Variants in PMM2 observed in about 807,000 individuals in gnomAD.
PMM2 encodes the protein mannose-6-phosphate isomerase.
A neutral mutation model predicts 33.2 loss-of-function variants in PMM2; 35 were observed. That is an observed-to-expected ratio of 1.06 (90% CI 0.81 to 1.40). PMM2 has a LOEUF of 1.40. Among genes scored for constraint, PMM2 ranks in the 40% most tolerant of loss-of-function variants. The pLI is 0.00. For synonymous variants in PMM2, 153 were observed against 114.7 expected (o/e 1.33, Z -2.13); for missense variants, 386 against 306.0 (o/e 1.26, Z -1.95).
intron 7 of PMM2, among the ~76,000 whole-genome samples, chr16:8,820,171 TG>T (rs1053118381): frequency 1.3e-4 from 20 of 152,236 alleles, no homozygotes; most frequent in African/African-American, 4.6e-4. Flanking sequence ...CACTCCAGGC[TG>T]GGCAACAGAG....
At chr16:8,829,137 G>A (rs7191492) in intron 7 of PMM2, 90,707 of 152,010 alleles carry the variant, frequency 0.6, 27,191 homozygotes, top group East Asian at 0.67. Flanking sequence ...AGCACAGAGT[G>A]CACCAGATTC....
In PMM2 at chr16:8,815,777, C is replaced by T. The variant is rs559616229; in HGVS notation, c.639+2671C>T. Among the ~76,000 whole-genome samples, 6 of 152,132 alleles carry T rather than the reference C, an allele frequency of 3.9e-5. No individual in the cohort carries two copies. The South Asian group carries it at 1.2e-3, about 32-fold the overall frequency. On this transcript the variant is annotated intron_variant, in intron 7 of 7. Transcript: ENST00000268261. The stretch of plus-strand genomic sequence containing the variant: ...GATATTTTAGATGTGACACCAAAAG[C>T]ACAGGCAACAAAAGCAAAACAAACA...
intron 7 of PMM2, among the ~76,000 whole-genome samples, chr16:8,846,197 C>T (rs1279271127): frequency 6.6e-6 from 1 of 152,202 alleles, no homozygotes; most frequent in Non-Finnish European, 1.5e-5. Flanking sequence ...TCACCTCCAC[C>T]TGAGGAGGCC....
intron 3 of PMM2, 59 bp from the exon 4 acceptor site, chr16:8,806,257 G>A (rs2060647058): frequency 9.1e-7 from 1 of 1,096,560 alleles, no homozygotes; most frequent in African/African-American, 1.5e-5. Flanking sequence ...GGTTTGCTAT[G>A]AAGCTGTTTT....
At chr16:8,837,909 G>T (rs957484808) in intron 7 of PMM2, among the ~76,000 whole-genome samples, 112 of 152,080 alleles carry the variant, frequency 7.4e-4, no homozygotes, top group African/African-American at 2.6e-3. Context: ...CAGATAAAAT[G>T]TGTCTCCTTT....
At chr16:8,800,707 G>C (rs912051722) in intron 1 of PMM2, among the ~76,000 whole-genome samples, 2 of 146,308 alleles carry the variant, frequency 1.4e-5, no homozygotes, top group African/African-American at 5.1e-5. Flanking sequence ...GTTTTGAGAC[G>C]AAGTCTCGCT....
intron 7 of PMM2, chr16:8,832,325 A>G: frequency 1.0e-6 from 1 of 985,430 alleles, no homozygotes; most frequent in Non-Finnish European, 1.2e-6. Context: ...CAACCCAGAG[A>G]GGCTCCTGCA....
At chr16:8,806,905 G>C (rs370737450) in intron 4 of PMM2, 2 of 165,014 alleles carry the variant, frequency 1.2e-5, no homozygotes, top group Non-Finnish European at 2.7e-5. Context: ...CCAGATCCAC[G>C]TAAAACCCAA....
At chr16:8,828,974 CTTTG>C (rs758025013) in intron 7 of PMM2, among the ~76,000 whole-genome samples, 5 of 152,102 alleles carry the variant, frequency 3.3e-5, no homozygotes, top group African/African-American at 4.8e-5. Context: ...GTGCCTTTGT[CTTTG>C]TTTTTCTTTT....
Position 8,815,486 on chromosome 16 carries a change from C to T in PMM2, c.639+2380C>T, listed in dbSNP as rs1311901160. On this transcript the variant is annotated intron_variant, in intron 7 of 7. Transcript: ENST00000268261. ...CCTCAAGAGATTCACCTGCCTTGGC[C>T]TCCTAAATTGATGGGATTACAGGCG... 3.9e-5 allele frequency among the ~76,000 whole-genome samples: 6 copies of T among 152,320 alleles called. No homozygotes were observed. In the East Asian group the frequency reaches 7.7e-4, roughly 20 times the overall value.
Position 8,827,770 on chromosome 16 carries a change from T to A in PMM2, c.639+14664T>A, listed in dbSNP as rs929198945. 8.0e-4 allele frequency among the ~76,000 whole-genome samples: 62 copies of A among 77,092 alleles called. 1 individual carries two copies. Among genetic ancestry groups the A allele is most frequent in the South Asian group, 1.1e-3 (3 of 2,790 alleles). 50.6% of individuals were successfully genotyped at this position (77,092 alleles called of 152,430 possible). A position where few individuals can be genotyped will look rare whatever the true frequency, so the allele number is the denominator to read the frequency against. ...TATATATATATATATATGCACACAT[T>A]TATATATATATATTTATATATATTT... is the stretch of plus-strand genomic sequence containing the variant. On this transcript the variant is annotated intron_variant, in intron 7 of 7. Transcript: ENST00000268261.
At chr16:8,827,605 A>C (rs933298303) in intron 7 of PMM2, among the ~76,000 whole-genome samples, 2 of 147,852 alleles carry the variant, frequency 1.4e-5, no homozygotes, top group African/African-American at 5.0e-5. Context: ...TATGTTGGCC[A>C]GGCTGGTCTT....
At chr16:8,801,154 A>T (rs561344278) in intron 1 of PMM2, among the ~76,000 whole-genome samples, 1 of 152,346 alleles carries the variant, frequency 6.6e-6, no homozygotes, top group South Asian at 2.1e-4. Context: ...ACAGGACATG[A>T]TTCCATTTAT....
chr16:8,798,012 T>C (rs1596481957), intron 1 of PMM2, 64 bp downstream of exon 1: 1 of 1,496,554 alleles, frequency 6.7e-7, no homozygotes, highest in East Asian at 2.4e-5. Context: ...CAGTTGGGGC[T>C]ATCGACCACC....
At chr16:8,813,218 A>G in intron 7 of PMM2, 112 bp downstream of exon 7, 1 of 774,698 alleles carries the variant, frequency 1.3e-6, no homozygotes, top group South Asian at 1.4e-5. Flanking sequence ...GCCCTGCTCA[A>G]ACTGAGCAGT....
At chr16:8,810,831 G>A (rs1952781068) in intron 4 of PMM2, 1 of 545,146 alleles carries the variant, frequency 1.8e-6, no homozygotes, top group Non-Finnish European at 3.3e-6. Context: ...TATACAACAT[G>A]ATTGATGCAA....
rs367937679 is a variant in PMM2, at chr16:8,829,608, G to A, written c.639+16502G>A. ...GCTCCCGTTGGTCTCTGTCATCTTT[G>A]ATCCACTCCACTCAAGGTGGGAAGG... On this transcript the variant is annotated intron_variant, in intron 7 of 7. Coordinates refer to ENST00000268261, the MANE Select transcript of PMM2 (RefSeq NM_000303.3). 2.3e-4 allele frequency among the ~76,000 whole-genome samples: 35 copies of A among 152,308 alleles called. No individual in the cohort carries two copies. The Middle Eastern group carries it at 0.014, about 59-fold the overall frequency.
intron 6 of PMM2, among the ~76,000 whole-genome samples, chr16:8,812,302 G>A (rs1382361210): frequency 6.6e-6 from 1 of 152,162 alleles, no homozygotes. Context: ...GGACATCTCA[G>A]GCTTGTCTTT....
Position 8,848,244 on chromosome 16 carries a change from A to C in PMM2, c.*419A>C. The C allele has an allele frequency of 4.6e-6, 1 of 219,660 alleles. No homozygotes were observed. The highest frequency in any genetic ancestry group is 9.3e-6 in the Non-Finnish European group (1 of 107,406). 13.6% of individuals were successfully genotyped at this position (219,660 alleles called of 1,614,324 possible). On this transcript the variant is annotated 3_prime_UTR_variant, in exon 8 of 8. Transcript: ENST00000268261. ...ATGGGCCCCTGCATCAATACCAAAC[A>C]TGGGGGTTTGGTAATGAGAAACCAG...
Sources: gnomAD v4.1 joint callset for allele counts (sites outside exome capture counted in the v4.1 genomes callset) on GRCh38, gnomAD v4.1.1 for gene constraint, MANE v1.5 for transcripts, NCBI Gene and HGNC (gene_info 2026-07-23, HGNC 2026-07-21) for gene names.